GNG2: variants seen among roughly 807,000 people sequenced by gnomAD.
GNG2 encodes the protein G protein subunit gamma 2, also known as guanine nucleotide-binding protein G(I)/G(S)/G(O) subunit gamma-2.
GNG2 carries 5 observed loss-of-function variants against 5.5 expected under a neutral mutation model. The observed-to-expected ratio is 0.91, with a 90% confidence interval of 0.48 to 1.92. GNG2 has a LOEUF of 1.92. Ranked by LOEUF, GNG2 falls within the 30% of genes most tolerant of loss-of-function variation. The probability of loss-of-function intolerance (pLI) is 0.01; values close to 1 mark genes in which losing one functional copy is unlikely to be tolerated. For missense variants in GNG2, 55 were observed against 88.4 expected (o/e 0.62, Z 1.52); for synonymous variants, 28 against 32.0 (o/e 0.88, Z 0.42).
At chr14:51,835,150 GC>G (rs1881296833) in intron 2 of GNG2, among the ~76,000 whole-genome samples, 1 of 152,152 alleles carries the variant, frequency 6.6e-6, no homozygotes, top group Admixed American at 6.5e-5. Flanking sequence ...TTTATGAATG[GC>G]CCCCAGCTCA....
chr14:51,914,257 C>T (rs878887363), intron 2 of GNG2: 17 of 702,086 alleles, frequency 2.4e-5, no homozygotes, highest in South Asian at 1.2e-4. Flanking sequence ...CAACATAAAA[C>T]GGACAAGCCA....
At chr14:51,888,516 C>T (rs146269381) in intron 2 of GNG2, among the ~76,000 whole-genome samples, 4 of 152,130 alleles carry the variant, frequency 2.6e-5, no homozygotes, top group East Asian at 1.9e-4. Context: ...GATAGGGTCT[C>T]GTTATGTTAC....
intron 2 of GNG2, among the ~76,000 whole-genome samples, chr14:51,830,478 C>T (rs1195353145): frequency 1.3e-5 from 2 of 152,216 alleles, no homozygotes; most frequent in East Asian, 3.8e-4. Context: ...ATATTTATCA[C>T]GTCCAGAGTG....
chr14:51,879,888 C>A (rs992171621), intron 2 of GNG2, among the ~76,000 whole-genome samples: 1 of 152,168 alleles, frequency 6.6e-6, no homozygotes, highest in African/African-American at 2.4e-5. Context: ...TAGGACTGAA[C>A]ATATTTGGGG....
chr14:51,903,324 G>T (rs950129237), intron 2 of GNG2, among the ~76,000 whole-genome samples: 4 of 152,186 alleles, frequency 2.6e-5, no homozygotes, highest in Non-Finnish European at 4.4e-5. Context: ...ATGTTGATTG[G>T]TTGACCAAAA....
chr14:51,944,389 T>C (rs780082037), intron 2 of GNG2, among the ~76,000 whole-genome samples: 1 of 152,190 alleles, frequency 6.6e-6, no homozygotes, highest in Non-Finnish European at 1.5e-5. Flanking sequence ...GAGGAAGAAA[T>C]CATTTCTCTT....
intron 2 of GNG2, among the ~76,000 whole-genome samples, chr14:51,892,865 C>T (rs2140163713): frequency 6.6e-6 from 1 of 152,334 alleles, no homozygotes; most frequent in South Asian, 2.1e-4. Context: ...CAACTGCATA[C>T]AGTTCAATCA....
At chr14:51,901,812 TA>T (rs1885581306) in intron 2 of GNG2, among the ~76,000 whole-genome samples, 1 of 152,014 alleles carries the variant, frequency 6.6e-6, no homozygotes, top group Non-Finnish European at 1.5e-5. Flanking sequence ...TCCAGGTATA[TA>T]ATAACCCAGT....
At chr14:51,835,066 T>G (rs566905214) in intron 2 of GNG2, among the ~76,000 whole-genome samples, 33 of 152,320 alleles carry the variant, frequency 2.2e-4, no homozygotes, top group Non-Finnish European at 4.1e-4. Context: ...AGAGAGTGGC[T>G]CAGCTCCTTT....
At chr14:51,884,104 G>T (rs938762007) in intron 2 of GNG2, among the ~76,000 whole-genome samples, 18 of 151,968 alleles carry the variant, frequency 1.2e-4, no homozygotes, top group African/African-American at 4.1e-4. Flanking sequence ...TGGTTAATCT[G>T]TATCAAAAAG....
intron 2 of GNG2, among the ~76,000 whole-genome samples, chr14:51,899,641 C>T (rs1221707282): frequency 6.6e-6 from 1 of 152,284 alleles, no homozygotes; most frequent in Non-Finnish European, 1.5e-5. Flanking sequence ...TAAAACCTGA[C>T]ACTCTGTTTT....
chr14:51,912,638 G>A (rs1381376273), intron 2 of GNG2, among the ~76,000 whole-genome samples: 1 of 152,134 alleles, frequency 6.6e-6, no homozygotes. Flanking sequence ...CAAAACAATT[G>A]CATAATTGAC....
chr14:51,959,115 C>A (rs79283743), intron 3 of GNG2, among the ~76,000 whole-genome samples: 10,080 of 152,160 alleles, frequency 0.066, 895 homozygotes, highest in East Asian at 0.38. Context: ...TTGTCTTAGG[C>A]TCTCCAACTT....
At chr14:51,866,462 A>G (rs1360199439) in intron 1 of GNG2, among the ~76,000 whole-genome samples, 1 of 152,156 alleles carries the variant, frequency 6.6e-6, no homozygotes, top group African/African-American at 2.4e-5. Context: ...GACTTCCTCA[A>G]CCTCATTCTT....
intron 2 of GNG2, among the ~76,000 whole-genome samples, chr14:51,933,168 A>G (rs1220030622): frequency 2.0e-5 from 3 of 152,244 alleles, no homozygotes; most frequent in Admixed American, 6.5e-5. Flanking sequence ...ACTGTTATAG[A>G]ATAAACTTAC....
At chr14:51,865,906 G>A (rs562934125) in intron 1 of GNG2, among the ~76,000 whole-genome samples, 7 of 151,648 alleles carry the variant, frequency 4.6e-5, no homozygotes, top group African/African-American at 1.5e-4. Flanking sequence ...TATTTAGTGG[G>A]AGTCAGTGTT....
intron 1 of GNG2, among the ~76,000 whole-genome samples, chr14:51,866,147 C>T (rs1400554047): frequency 1.3e-5 from 2 of 152,158 alleles, no homozygotes; most frequent in East Asian, 3.8e-4. Context: ...GTTCCCTGGC[C>T]TTCCCTTGCT....
chr14:51,949,586 T>C (rs1888854030), intron 2 of GNG2, among the ~76,000 whole-genome samples: 1 of 152,178 alleles, frequency 6.6e-6, no homozygotes, highest in African/African-American at 2.4e-5. Context: ...GACGAGGCAG[T>C]GTTTAATGTT....
At chr14:51,942,191 A>T (rs8013372) in intron 2 of GNG2, among the ~76,000 whole-genome samples, 2,757 of 152,360 alleles carry the variant, frequency 0.018, 96 homozygotes, top group African/African-American at 0.062. Flanking sequence ...ATTATAAGAC[A>T]TAAGAATATA....
Sources: gnomAD v4.1 joint callset for allele counts (sites outside exome capture counted in the v4.1 genomes callset) on GRCh38, gnomAD v4.1.1 for gene constraint, MANE v1.5 for transcripts, NCBI Gene and HGNC (gene_info 2026-07-23, HGNC 2026-07-21) for gene names.